Variants in ZFAND5 observed in about 807,000 individuals in gnomAD.
ZFAND5 encodes AN1-type zinc finger protein 5.
A neutral mutation model predicts 23.6 loss-of-function variants in ZFAND5; 4 were observed. That is an observed-to-expected ratio of 0.17 (90% CI 0.08 to 0.39). The LOEUF (loss-of-function observed/expected upper bound fraction) is 0.39. ZFAND5 is among the 10% of genes least tolerant of loss of function. The pLI, the probability that ZFAND5 is intolerant of heterozygous loss-of-function variation, is 1.00. For synonymous variants in ZFAND5, 68 were observed against 80.6 expected (o/e 0.84, Z 0.84); for missense variants, 161 against 253.7 (o/e 0.63, Z 2.48).
At chr9:72,357,569 C>A (rs1453324598) in intron 5 of ZFAND5, among the ~76,000 whole-genome samples, 1 of 152,118 alleles carries the variant, frequency 6.6e-6, no homozygotes, top group Non-Finnish European at 1.5e-5. Flanking sequence ...ATCCCTAAAT[C>A]AACGTCAGAT....
intron 4 of ZFAND5, 87 bp downstream of exon 4, chr9:72,360,019 AAGGG>A: frequency 1.8e-6 from 2 of 1,085,174 alleles, no homozygotes; most frequent in South Asian, 3.1e-5. Flanking sequence ...TTGCAAAGCC[AAGGG>A]TATCTATTAA....
At chr9:72,360,371 A>G in intron 3 of ZFAND5, 150 bp from the exon 4 acceptor site, 1 of 850,512 alleles carries the variant, frequency 1.2e-6, no homozygotes, top group Non-Finnish European at 1.8e-6. Context: ...CCAAACAAAA[A>G]ATATTAAAAA....
intron 4 of ZFAND5, 119 bp downstream of exon 4, chr9:72,359,991 A>G: frequency 1.3e-6 from 1 of 766,612 alleles, no homozygotes; most frequent in Non-Finnish European, 2.1e-6. Context: ...ATGTATTAAA[A>G]GACACTGAAA....
chr9:72,363,118 A>C (rs1212723358), intron 2 of ZFAND5, among the ~76,000 whole-genome samples: 1 of 152,230 alleles, frequency 6.6e-6, no homozygotes, highest in Non-Finnish European at 1.5e-5. Context: ...AGCACAGTGG[A>C]GACAGTGTAA....
At chr9:72,363,789 T>C in intron 1 of ZFAND5, 183 bp from the exon 2 acceptor site, 2 of 374,134 alleles carry the variant, frequency 5.3e-6, no homozygotes, top group Non-Finnish European at 7.4e-6. Flanking sequence ...GTTTATGTTT[T>C]TAGAAGTCTG....
Position 72,357,057 on chromosome 9 carries a change from C to G in ZFAND5, c.368-1G>C, listed in dbSNP as rs1841964466. ...ACTGATGGACTGGGCTGAGTGACAA[C>G]TGAAAAGGACAAAAACACAAATTTG... On this transcript the variant is annotated splice_acceptor_variant, in intron 5 of 6. Transcript: ENST00000376962. LOFTEE classifies it high-confidence loss of function. 6.2e-7 allele frequency: 1 copy of G among 1,609,004 alleles called. No individual in the cohort carries two copies. Among genetic ancestry groups the G allele is most frequent in the Non-Finnish European group, 8.5e-7 (1 of 1,177,924 alleles).
At chr9:72,357,706 G>A (rs1564304560) in intron 5 of ZFAND5, among the ~76,000 whole-genome samples, 1 of 151,954 alleles carries the variant, frequency 6.6e-6, no homozygotes, top group African/African-American at 2.4e-5. Context: ...GAAACTACTC[G>A]AGAAGTATTG....
In ZFAND5 at chr9:72,355,307, T is replaced by G. The variant is rs1841912276; in HGVS notation, c.*646A>C. On this transcript the variant is annotated 3_prime_UTR_variant, in exon 7 of 7. Coordinates refer to ENST00000376962, the MANE Select transcript of ZFAND5 (RefSeq NM_001102420.3). ...AGCTTCAAAGGTTATCTCAAGACCC[T>G]GTTGTTGGCTTGATGGTTTTACTTA... 6.6e-6 allele frequency: 1 copy of G among 152,644 alleles called. No individual in the cohort carries two copies. The highest frequency in any genetic ancestry group is 2.4e-5 in the African/African-American group (1 of 41,454). 9.5% of individuals were successfully genotyped at this position (152,644 alleles called of 1,614,324 possible). A position where few individuals can be genotyped will look rare whatever the true frequency, so the allele number is the denominator to read the frequency against.
intron 3 of ZFAND5, 189 bp downstream of exon 3, chr9:72,360,439 G>A: frequency 1.2e-6 from 1 of 862,782 alleles, no homozygotes; most frequent in Non-Finnish European, 1.8e-6. Flanking sequence ...AAACTGAAAA[G>A]CTATAAGATG....
intron 1 of ZFAND5, 30 bp from the exon 2 acceptor site, chr9:72,363,636 A>G: frequency 1.0e-6 from 1 of 983,898 alleles, no homozygotes; most frequent in Non-Finnish European, 1.2e-6. Context: ...AGACAACTAC[A>G]AAGAATCCTT....
In ZFAND5 at chr9:72,359,410, A is replaced by G. The variant is rs1564307545; in HGVS notation, c.367+8T>C. The G allele has an allele frequency of 6.2e-7, 1 of 1,611,352 alleles. No individual in the cohort carries two copies. Among genetic ancestry groups the G allele is most frequent in the East Asian group, 2.2e-5 (1 of 44,814 alleles). On this transcript the variant is annotated splice_region_variant and intron_variant, in intron 5 of 6. Transcript: ENST00000376962. ...CAGAACTGAACAAGTATTAAATGAA[A>G]AACATACCTGGCTCTGACACCTCTG...
At chr9:72,363,775 A>G (rs750032954) in intron 1 of ZFAND5, 169 bp from the exon 2 acceptor site, 10 of 429,014 alleles carry the variant, frequency 2.3e-5, no homozygotes, top group South Asian at 1.0e-4. Flanking sequence ...AATAAAATAC[A>G]TTCGTTTATG....
At chr9:72,362,913 A>G (rs1842146295) in intron 2 of ZFAND5, among the ~76,000 whole-genome samples, 1 of 152,178 alleles carries the variant, frequency 6.6e-6, no homozygotes, top group Non-Finnish European at 1.5e-5. Context: ...ATCAGCTTCT[A>G]TTTATATCTC....
intron 2 of ZFAND5, among the ~76,000 whole-genome samples, chr9:72,361,992 T>G (rs1411894182): frequency 6.6e-6 from 1 of 152,218 alleles, no homozygotes; most frequent in Non-Finnish European, 1.5e-5. Flanking sequence ...CTACCAAAAT[T>G]AGAAGATGGG....
rs1842162925 is a variant in ZFAND5 at position 72,363,532 on chromosome 9, T to C, written c.-72A>G. Reference sequence around the variant, plus strand: ...CACTAAGTCAGTGACCTTGGGCAAGTCCTTACTTTCCAGATTTCAGTTCCC... The same window carrying C: ...CACTAAGTCAGTGACCTTGGGCAAGCCCTTACTTTCCAGATTTCAGTTCCC... On this transcript the variant is annotated 5_prime_UTR_variant, in exon 2 of 7. Coordinates refer to ENST00000376962, the MANE Select transcript of ZFAND5 (RefSeq NM_001102420.3). 2 of 762,344 alleles carry C rather than the reference T, an allele frequency of 2.6e-6. No individual in the cohort carries two copies. The highest frequency in any genetic ancestry group is 3.2e-6 in the Non-Finnish European group (2 of 625,940). 47.2% of individuals were successfully genotyped at this position (762,344 alleles called of 1,614,324 possible). A position where few individuals can be genotyped will look rare whatever the true frequency, so the allele number is the denominator to read the frequency against.
chr9:72,362,558 T>C (rs1167149202), intron 2 of ZFAND5, among the ~76,000 whole-genome samples: 4 of 152,228 alleles, frequency 2.6e-5, no homozygotes, highest in African/African-American at 4.8e-5. Flanking sequence ...TTAGATAAAA[T>C]GGAGGATACT....
At chr9:72,358,647 T>C (rs1248481487) in intron 5 of ZFAND5, among the ~76,000 whole-genome samples, 1 of 152,124 alleles carries the variant, frequency 6.6e-6, no homozygotes, top group African/African-American at 2.4e-5. Flanking sequence ...GGCCTTAACT[T>C]TGTAAGATTA....
At chr9:72,359,944 T>A (rs980281803) in intron 4 of ZFAND5, among the ~76,000 whole-genome samples, 166 bp downstream of exon 4, 1 of 152,186 alleles carries the variant, frequency 6.6e-6, no homozygotes, top group Non-Finnish European at 1.5e-5. Flanking sequence ...GAGTCAGGTG[T>A]AAGTAACACA....
rs1245980791 is a variant in ZFAND5, at chr9:72,355,782, T to C, written c.*171A>G. The C allele has an allele frequency of 1.6e-6, 1 of 624,910 alleles. No individual in the cohort carries two copies. 38.7% of individuals were successfully genotyped at this position (624,910 alleles called of 1,614,324 possible). A position where few individuals can be genotyped will look rare whatever the true frequency, so the allele number is the denominator to read the frequency against. On this transcript the variant is annotated 3_prime_UTR_variant, in exon 7 of 7. Coordinates refer to ENST00000376962, the MANE Select transcript of ZFAND5 (RefSeq NM_001102420.3). ...ATTTGTAGGGCTGTATCTATCCAAT[T>C]CTGCCTGTAACAAACACCCAAACAT...
Sources: allele counts gnomAD v4.1 joint callset (sites outside exome capture counted in the v4.1 genomes callset), GRCh38; gene constraint gnomAD v4.1.1; transcripts MANE v1.5; gene names NCBI Gene and HGNC (gene_info 2026-07-23, HGNC 2026-07-21).